WDPCP: variants seen among roughly 807,000 people sequenced by gnomAD.
WDPCP encodes WD repeat-containing and planar cell polarity effector protein fritz homolog.
A neutral mutation model predicts 93.1 loss-of-function variants in WDPCP; 71 were observed. The observed-to-expected ratio is 0.76, with a 90% CI of 0.63 to 0.93. WDPCP has a LOEUF of 0.93. Among genes scored for constraint, WDPCP ranks in the 40% least tolerant of loss-of-function variants. The pLI is 0.00. For synonymous variants in WDPCP, 315 were observed against 315.0 expected (o/e 1.00, Z 0.00); for missense variants, 844 against 887.4 (o/e 0.95, Z 0.62).
At chr2:63,198,406 ATAAAT>A (rs1675623093) in intron 14 of WDPCP, among the ~76,000 whole-genome samples, 1 of 152,152 alleles carries the variant, frequency 6.6e-6, no homozygotes, top group South Asian at 2.1e-4. Context: ...GGCTTTCCAA[ATAAAT>A]TTTACAATTA....
chr2:63,433,115 T>C (rs1265861504), intron 9 of WDPCP, among the ~76,000 whole-genome samples: 2 of 152,174 alleles, frequency 1.3e-5, no homozygotes, highest in Non-Finnish European at 2.9e-5. Context: ...GGTTCACATA[T>C]ATGAATGGAT....
At chr2:63,384,968 T>C (rs1448477700) in intron 10 of WDPCP, among the ~76,000 whole-genome samples, 3 of 151,878 alleles carry the variant, frequency 2.0e-5, no homozygotes, top group Non-Finnish European at 4.4e-5. Context: ...AAAAAGATAA[T>C]ATACCATGAA....
chr2:63,751,677 T>C, intron 2 of WDPCP: 1 of 497,852 alleles, frequency 2.0e-6, no homozygotes, highest in South Asian at 1.6e-5. Flanking sequence ...CTAAGCTTTG[T>C]TTCCTGGTAG....
intron 8 of WDPCP, 59 bp downstream of exon 8, chr2:63,437,362 G>A: frequency 7.6e-7 from 1 of 1,316,758 alleles, no homozygotes; most frequent in South Asian, 1.4e-5. Flanking sequence ...ACCAACTTAT[G>A]TGATACTCTC....
In WDPCP at chr2:63,252,327, A is replaced by G. The variant is rs150544492; in HGVS notation, c.1915+6980T>C. Among the ~76,000 whole-genome samples the G allele has an allele frequency of 9.0e-3, 1,378 of 152,308 alleles. 15 individuals are homozygous for G. Among genetic ancestry groups the G allele is most frequent in the Middle Eastern group, 0.024 (7 of 294 alleles). ...CTATGACAAACCCATAGCCAACATC[A>G]TACTAAATGGCAAAAGCTGGAAGCA... On this transcript the variant is annotated intron_variant, in intron 14 of 17. Transcript: ENST00000272321.
chr2:63,295,424 A>C (rs1684767813), intron 13 of WDPCP, among the ~76,000 whole-genome samples: 1 of 151,924 alleles, frequency 6.6e-6, no homozygotes, highest in South Asian at 2.1e-4. Context: ...TAATAGATTA[A>C]AAATGAAAAG....
intron 2 of WDPCP, among the ~76,000 whole-genome samples, chr2:63,663,738 G>C (rs987446303): frequency 6.6e-6 from 1 of 152,160 alleles, no homozygotes; most frequent in African/African-American, 2.4e-5. Context: ...GGAGGTTATA[G>C]ATTAATTGGA....
intron 1 of WDPCP, among the ~76,000 whole-genome samples, chr2:63,557,878 A>G (rs1365221101): frequency 6.6e-6 from 1 of 152,178 alleles, no homozygotes; most frequent in Non-Finnish European, 1.5e-5. Context: ...AAATTGAACA[A>G]CCTCCTCCTG....
intron 1 of WDPCP, among the ~76,000 whole-genome samples, chr2:63,573,866 A>G (rs577116757): frequency 6.6e-6 from 1 of 152,212 alleles, no homozygotes; most frequent in East Asian, 1.9e-4. Context: ...GGCCTCTAAA[A>G]TGGCCGCTTC....
At chr2:63,313,215 G>A (rs1418079554) in intron 13 of WDPCP, 33 bp downstream of exon 13, 5 of 1,599,806 alleles carry the variant, frequency 3.1e-6, no homozygotes, top group African/African-American at 1.3e-5. Flanking sequence ...CCTTAGAACT[G>A]AAGGCACAAA....
chr2:63,218,849 C>G (rs1219180900), intron 14 of WDPCP, among the ~76,000 whole-genome samples: 2 of 151,998 alleles, frequency 1.3e-5, no homozygotes, highest in Admixed American at 1.3e-4. Flanking sequence ...ACAGATTGTT[C>G]TATAGTTCTT....
chr2:63,735,937 G>A (rs1431725349), intron 2 of WDPCP, among the ~76,000 whole-genome samples: 4 of 152,236 alleles, frequency 2.6e-5, no homozygotes, highest in African/African-American at 4.8e-5. Context: ...AATGGTTTTC[G>A]AGAGTCCTTT....
At chr2:63,358,222 C>A (rs938111039) in intron 12 of WDPCP, among the ~76,000 whole-genome samples, 10 of 151,812 alleles carry the variant, frequency 6.6e-5, no homozygotes, top group African/African-American at 2.4e-4. Flanking sequence ...ACATGTATCT[C>A]TGAACCTAAA....
At chr2:63,659,133 T>C (rs1710198995) in intron 2 of WDPCP, among the ~76,000 whole-genome samples, 6 of 152,208 alleles carry the variant, frequency 3.9e-5, no homozygotes, top group Admixed American at 3.9e-4. Flanking sequence ...TACAGCATAT[T>C]ATTTAAAAGC....
chr2:63,678,688 G>T (rs1184648356), intron 2 of WDPCP, among the ~76,000 whole-genome samples: 1 of 152,212 alleles, frequency 6.6e-6, no homozygotes, highest in African/African-American at 2.4e-5. Flanking sequence ...GTTGGGACCT[G>T]GAAGTGATAG....
intron 9 of WDPCP, among the ~76,000 whole-genome samples, chr2:63,424,267 A>AGGGGGGGGGGGGGGGGGGG (rs1696088139): frequency 8.1e-6 from 1 of 123,514 alleles, no homozygotes. Context: ...CGGGGGTGGG[A>AGGGGGGGGGGGGGGGGGGG]GAGGGGGTGT....
At chr2:63,666,158 T>G (rs1454000993) in intron 2 of WDPCP, among the ~76,000 whole-genome samples, 1 of 152,218 alleles carries the variant, frequency 6.6e-6, no homozygotes, top group African/African-American at 2.4e-5. Flanking sequence ...TAATGTTATT[T>G]AAATGAGTAA....
At chr2:63,308,731 T>G (rs1213359639) in intron 13 of WDPCP, among the ~76,000 whole-genome samples, 1 of 151,958 alleles carries the variant, frequency 6.6e-6, no homozygotes, top group Non-Finnish European at 1.5e-5. Flanking sequence ...CATCACACAC[T>G]GAGGCCTGTC....
chr2:63,801,984 A>G (rs1289398495), intron 2 of WDPCP, among the ~76,000 whole-genome samples: 1 of 152,214 alleles, frequency 6.6e-6, no homozygotes, highest in Non-Finnish European at 1.5e-5. Flanking sequence ...AAGCAAGTCC[A>G]TAAAGTCAAG....
Sources: allele counts gnomAD v4.1 joint callset (sites outside exome capture counted in the v4.1 genomes callset), GRCh38; gene constraint gnomAD v4.1.1; transcripts MANE v1.5; gene names NCBI Gene and HGNC (gene_info 2026-07-23, HGNC 2026-07-21).